The following FAM131B variants were observed in gnomAD, a reference collection of about 807,000 sequenced individuals.
The protein encoded by FAM131B is family with sequence similarity 131 member B.
Under a neutral mutation model 42.0 loss-of-function variants are expected in FAM131B, and 19 were observed. That is an observed-to-expected ratio of 0.45 (90% CI 0.32 to 0.66). The LOEUF is 0.66. Ranked by LOEUF, FAM131B falls within the 30% of genes least tolerant of loss-of-function variation. The pLI, the probability that FAM131B is intolerant of heterozygous loss-of-function variation, is 0.05. For synonymous variants in FAM131B, 183 were observed against 177.6 expected, an observed-to-expected ratio of 1.03 and a Z score of -0.24; for missense variants, 370 against 468.4, an observed-to-expected ratio of 0.79 and a Z score of 1.94.
At chr7:143,362,774 C>T (rs1804065372), upstream of FAM131B, 1 of 195,438 alleles carries the variant, frequency 5.1e-6, no homozygotes, top group Non-Finnish European at 9.6e-6. This position sits in a 1 kb window ranked among gnomAD's most constrained non-coding sequence, Gnocchi z 7.7. Flanking sequence ...GTCGCCGCCG[C>T]CGCCGCCGCC....
the FAM131B span, chr7:143,380,399 G>A: frequency 3.0e-6 from 3 of 985,440 alleles, no homozygotes; most frequent in Non-Finnish European, 1.2e-6. This position sits in a 1 kb window ranked among gnomAD's most constrained non-coding sequence, Gnocchi z 5.0. Flanking sequence ...TCTCCACCAA[G>A]CGCAGTCTCA....
chr7:143,377,008 C>T, the FAM131B span, among the ~76,000 whole-genome samples: 2 of 152,220 alleles, frequency 1.3e-5, no homozygotes, highest in African/African-American at 2.4e-5. Context: ...TCGCATTCCT[C>T]GCCCAGGATG....
At chr7:143,382,288 C>T in the FAM131B span, 8 of 1,612,782 alleles carry the variant, frequency 5.0e-6, no homozygotes, top group African/African-American at 9.3e-5. Flanking sequence ...GGGATGGCGA[C>T]GATGCAGAGG....
the FAM131B span, among the ~76,000 whole-genome samples, chr7:143,374,825 C>T: frequency 6.6e-6 from 1 of 152,208 alleles, no homozygotes; most frequent in Non-Finnish European, 1.5e-5. Context: ...CTTCTGCTTA[C>T]CGTTCAGATC....
the FAM131B span, chr7:143,380,489 G>A: frequency 2.0e-6 from 2 of 985,398 alleles, no homozygotes; most frequent in African/African-American, 1.7e-5. This position sits in a 1 kb window ranked among gnomAD's most constrained non-coding sequence, Gnocchi z 5.0. Flanking sequence ...CGTAAAAGAC[G>A]AGCAGCCCGC....
chr7:143,371,632 A>G, the FAM131B span, among the ~76,000 whole-genome samples: 128 of 149,596 alleles, frequency 8.6e-4, no homozygotes, highest in South Asian at 3.4e-3. Context: ...AAAAAAAAAA[A>G]AAAAGAAAAG....
chr7:143,365,554 A>C (rs1320511009), upstream of FAM131B, among the ~76,000 whole-genome samples: 1 of 152,178 alleles, frequency 6.6e-6, no homozygotes, highest in East Asian at 1.9e-4. Flanking sequence ...CTTTTCCCTA[A>C]GATTTCCCAG....
At position 143,358,304 on chromosome 7, in the gene FAM131B, C is replaced by T. The variant is rs904934979; in HGVS notation, c.466+523G>A. Among the ~76,000 whole-genome samples the T allele has an allele frequency of 6.6e-6, 1 of 152,182 alleles. No individual in the cohort carries two copies. The highest frequency in any genetic ancestry group is 2.4e-5 in the African/African-American group (1 of 41,440). The stretch of plus-strand genomic sequence containing the variant: ...TTAGACCTGCACTACAGCTTGGCCA[C>T]TCTTGTAGGCACACTGCATGCCTGT... On this transcript the variant is annotated intron_variant, in intron 5 of 6. Transcript: ENST00000443739. The surrounding 1 kb of genome is among the most constrained non-coding windows in gnomAD (Gnocchi z 4.7).
rs1359402849 is a variant in FAM131B at position 143,359,624 on chromosome 7, C to T, written c.174+108G>A. On this transcript the variant is annotated intron_variant, in intron 3 of 6. Coordinates refer to ENST00000443739, the MANE Select transcript of FAM131B (RefSeq NM_001031690.3). The surrounding 1 kb of genome is among the most constrained non-coding windows in gnomAD (Gnocchi z 5.4). ...CACAGGTTGAGAACGTGAGTGCTCA[C>T]AGTGCCTATTGGAGCCAGGGAATAC... 1 of 1,134,070 alleles carries T rather than the reference C, an allele frequency of 8.8e-7. No individual in the cohort carries two copies. The highest frequency in any genetic ancestry group is 1.3e-6 in the Non-Finnish European group (1 of 766,044). 70.3% of individuals were successfully genotyped at this position (1,134,070 alleles called of 1,614,324 possible).
chr7:143,373,693 G>A, the FAM131B span, among the ~76,000 whole-genome samples: 2 of 152,162 alleles, frequency 1.3e-5, no homozygotes, highest in African/African-American at 2.4e-5. Context: ...AAGGCACCCT[G>A]GACTGGTTTT....
At chr7:143,372,639 G>A in the FAM131B span, among the ~76,000 whole-genome samples, 8 of 152,098 alleles carry the variant, frequency 5.3e-5, no homozygotes, top group African/African-American at 1.9e-4. Flanking sequence ...CCATGACTTA[G>A]TGCCAAAAAA....
the FAM131B span, among the ~76,000 whole-genome samples, chr7:143,371,032 C>T: frequency 6.6e-6 from 1 of 152,174 alleles, no homozygotes; most frequent in Non-Finnish European, 1.5e-5. Context: ...CTTGGTTCTC[C>T]TCTTGACTTT....
the FAM131B span, among the ~76,000 whole-genome samples, chr7:143,371,972 T>TC: frequency 1.3e-5 from 2 of 152,196 alleles, no homozygotes; most frequent in Non-Finnish European, 2.9e-5. Flanking sequence ...AGGTTTTTTT[T>TC]CAATTTGTTT....
At chr7:143,365,165 T>C (rs11972078), upstream of FAM131B, among the ~76,000 whole-genome samples, 2,059 of 152,260 alleles carry the variant, frequency 0.014, 55 homozygotes, top group African/African-American at 0.047. Flanking sequence ...TAATATTGAA[T>C]GTAAATTCCT....
In FAM131B at chr7:143,358,694, T is replaced by TA. The variant is rs1398293938; in HGVS notation, c.466+132dup. ...ATTTGAATTACCACATCAAAATACT[T>TA]AGAGCTGTTTGGGAAATGTGAATCT... On this transcript the variant is annotated intron_variant, in intron 5 of 6. Transcript: ENST00000443739. This position sits in a 1 kb window ranked among gnomAD's most constrained non-coding sequence, Gnocchi z 4.7. 3.0e-6 allele frequency: 2 copies of TA among 676,120 alleles called. No homozygotes were observed. The highest frequency in any genetic ancestry group is 5.2e-6 in the Non-Finnish European group (2 of 386,656). 41.9% of individuals were successfully genotyped at this position (676,120 alleles called of 1,614,324 possible).
the FAM131B span, among the ~76,000 whole-genome samples, chr7:143,379,367 G>C: frequency 6.6e-6 from 1 of 152,228 alleles, no homozygotes; most frequent in African/African-American, 2.4e-5. Flanking sequence ...GCGTGTCAGA[G>C]AGGTGTGCAC....
the FAM131B span, chr7:143,380,479 C>A: frequency 1.9e-5 from 19 of 985,366 alleles, no homozygotes; most frequent in Non-Finnish European, 2.3e-5. This position sits in a 1 kb window ranked among gnomAD's most constrained non-coding sequence, Gnocchi z 5.0. Context: ...GTTGAAGGGC[C>A]GTAAAAGACG....
Position 143,357,037 on chromosome 7 carries a change from A to G in FAM131B, c.611-15T>C. 1.3e-6 allele frequency: 2 copies of G among 1,583,164 alleles called. No individual in the cohort carries two copies. Among genetic ancestry groups the G allele is most frequent in the Non-Finnish European group, 1.7e-6 (2 of 1,152,714 alleles). On this transcript the variant is annotated splice_polypyrimidine_tract_variant and intron_variant, in intron 6 of 6. Coordinates refer to ENST00000443739, the MANE Select transcript of FAM131B (RefSeq NM_001031690.3). ...AGCCAGGGCATCTGGAAAAAGAATC[A>G]TGGAGGTCAGTGGGGCCACAGAATG...
Position 143,359,527 on chromosome 7 carries a change from G to C in FAM131B, c.175-108C>G. ...AGGAAAAAGCATTCGAGCTAGGGCAGATGATAAGAAAAGCTACTATACCCA... is the reference window on the plus strand; with the variant it reads ...AGGAAAAAGCATTCGAGCTAGGGCACATGATAAGAAAAGCTACTATACCCA... On this transcript the variant is annotated intron_variant, in intron 3 of 6. Transcript: ENST00000443739. The surrounding 1 kb of genome is among the most constrained non-coding windows in gnomAD (Gnocchi z 5.4). 1 of 1,005,574 alleles carries C rather than the reference G, an allele frequency of 9.9e-7. No individual in the cohort carries two copies. The highest frequency in any genetic ancestry group is 1.6e-6 in the Non-Finnish European group (1 of 644,908). The allele number at this position is 1,005,574 out of a possible 1,614,324, so 62.3% of individuals were successfully genotyped here. A position where few individuals can be genotyped will look rare whatever the true frequency, so the allele number is the denominator to read the frequency against.
Sources: allele counts gnomAD v4.1 joint callset (sites outside exome capture counted in the v4.1 genomes callset), GRCh38; gene constraint gnomAD v4.1.1; non-coding constraint Gnocchi (gnomAD v3.1); transcripts MANE v1.5; gene names NCBI Gene and HGNC (gene_info 2026-07-23, HGNC 2026-07-21).